Variants in FBXO34 observed in about 807,000 individuals in gnomAD.
FBXO34 encodes the protein F-box only protein 34.
A neutral mutation model predicts 24.5 loss-of-function variants in FBXO34; 12 were observed. The ratio of observed to expected loss-of-function variants is 0.49; its 90% confidence interval spans 0.31 to 0.79. The LOEUF (loss-of-function observed/expected upper bound fraction) is 0.79, where lower values mean the gene tolerates loss of function less well. Among genes scored for constraint, FBXO34 ranks in the 30% least tolerant of loss-of-function variants. The pLI is 0.04. For missense variants in FBXO34, 823 were observed against 857.7 expected (o/e 0.96, Z 0.51); for synonymous variants, 320 against 311.9 (o/e 1.03, Z -0.27).
chr14:55,272,488 AAAAG>A (rs374363856), intron 1 of FBXO34, among the ~76,000 whole-genome samples: 33 of 152,206 alleles, frequency 2.2e-4, no homozygotes, highest in African/African-American at 5.8e-4. Flanking sequence ...TTACTGAAAA[AAAAG>A]AGAACCACTT....
chr14:55,378,601 G>GCCTCCCTCCCTT, the FBXO34 span, among the ~76,000 whole-genome samples: 8 of 151,960 alleles, frequency 5.3e-5, no homozygotes, highest in African/African-American at 1.9e-4. Context: ...CTTGCTTGCT[G>GCCTCCCTCCCTT]CCTCCCTCCC....
intron 3 of FBXO34, among the ~76,000 whole-genome samples, chr14:55,358,751 G>A (rs1884555246): frequency 6.6e-6 from 1 of 152,206 alleles, no homozygotes; most frequent in Admixed American, 6.5e-5. Context: ...GGGCAGGGTA[G>A]TGGCTGCACA....
chr14:55,282,301 CT>C, intron 1 of FBXO34: 1 of 446,804 alleles, frequency 2.2e-6, no homozygotes, highest in Non-Finnish European at 4.5e-6. Flanking sequence ...CCAAATTTAG[CT>C]TTTTGACTCT....
chr14:55,316,238 G>T (rs914841971), intron 1 of FBXO34, among the ~76,000 whole-genome samples: 7 of 151,888 alleles, frequency 4.6e-5, no homozygotes, highest in Non-Finnish European at 4.4e-5. Context: ...TACATAATTT[G>T]CAGGGCTGAG....
intron 1 of FBXO34, among the ~76,000 whole-genome samples, chr14:55,343,003 G>A (rs755007504): frequency 1.3e-4 from 20 of 152,046 alleles, no homozygotes; most frequent in Non-Finnish European, 2.1e-4. Flanking sequence ...CACTTTATTT[G>A]TGCTTCCTCA....
chr14:55,397,943 C>CTTTTTT, the FBXO34 span, among the ~76,000 whole-genome samples: 34 of 105,510 alleles, frequency 3.2e-4, no homozygotes, highest in East Asian at 8.7e-4. Flanking sequence ...TGCAGTAATT[C>CTTTTTT]TTTTTTTTTT....
rs191261733 is a variant in FBXO34 at position 55,346,423 on chromosome 14, T to G, written c.-10-3958T>G. On this transcript the variant is annotated intron_variant, in intron 1 of 1. Transcript: ENST00000313833. ...AATCTAAGTGACTCAAGCTTCTGGC[T>G]TAATGGACTAGGTATACTTGAGGCT... Among the ~76,000 whole-genome samples the G allele has an allele frequency of 1.6e-4, 25 of 152,352 alleles. 1 individual carries two copies. The South Asian group carries it at 3.3e-3, about 20-fold the overall frequency.
chr14:55,329,108 C>G (rs1000648021), intron 1 of FBXO34, among the ~76,000 whole-genome samples: 1 of 101,850 alleles, frequency 9.8e-6, no homozygotes, highest in Non-Finnish European at 2.3e-5. Context: ...CAGGAAAGGG[C>G]TGAGGGAGAT....
At chr14:55,391,015 A>G in the FBXO34 span, 1 of 1,551,604 alleles carries the variant, frequency 6.4e-7, no homozygotes, top group Non-Finnish European at 8.8e-7. Context: ...TGTAATAAAT[A>G]TCACAAACGT....
intron 1 of FBXO34, among the ~76,000 whole-genome samples, chr14:55,305,500 G>T (rs1351581523): frequency 6.6e-6 from 1 of 151,686 alleles, no homozygotes; most frequent in Non-Finnish European, 1.5e-5. Context: ...TTCGAGACCA[G>T]CCTGGTCAAC....
At chr14:55,440,487 G>A in the FBXO34 span, 167 of 1,612,658 alleles carry the variant, frequency 1.0e-4, no homozygotes, top group Non-Finnish European at 1.3e-4. Context: ...GGGCGGGTAA[G>A]AGGGTAAGCG....
the FBXO34 span, among the ~76,000 whole-genome samples, chr14:55,440,992 A>G: frequency 0.52 from 79,148 of 151,640 alleles, 20,786 homozygotes; most frequent in East Asian, 0.65. Context: ...GATTACAGGT[A>G]CGCACCACCA....
intron 1 of FBXO34, among the ~76,000 whole-genome samples, chr14:55,338,067 T>TTTTTTTTTTTTTTTTTTTTTC: frequency 7.0e-6 from 1 of 142,758 alleles, no homozygotes; most frequent in Non-Finnish European, 1.5e-5. Context: ...TTTTTTTTTT[T>TTTTTTTTTTTTTTTTTTTTTC]GAGATGGAGT....
At chr14:55,377,851 G>A in the FBXO34 span, 4 of 1,601,746 alleles carry the variant, frequency 2.5e-6, no homozygotes, top group East Asian at 8.9e-5. Context: ...GACTGACCAG[G>A]TACATTAGAT....
chr14:55,394,920 A>C, the FBXO34 span: 1 of 378,038 alleles, frequency 2.6e-6, no homozygotes, highest in African/African-American at 2.1e-5. Flanking sequence ...TGTACCAAAA[A>C]GTAAACAACC....
chr14:55,411,612 C>T, the FBXO34 span: 1 of 1,608,550 alleles, frequency 6.2e-7, no homozygotes. Flanking sequence ...CTCTCCCGGT[C>T]GCGGCCGTCG....
At position 55,352,785 on chromosome 14, in the gene FBXO34, T is replaced by C; in HGVS notation, c.*259T>C. ...ATTCAGTTGGCTGTGAATAACTGCC[T>C]GTTTTCCTAAATCAAACCCATCCTC... On this transcript the variant is annotated 3_prime_UTR_variant, in exon 2 of 2. Coordinates refer to ENST00000313833, the MANE Select transcript of FBXO34 (RefSeq NM_017943.4). 1 of 403,762 alleles carries C rather than the reference T, an allele frequency of 2.5e-6. No individual in the cohort carries two copies. 25.0% of individuals were successfully genotyped at this position (403,762 alleles called of 1,614,324 possible).
chr14:55,418,990 G>A, the FBXO34 span, among the ~76,000 whole-genome samples: 8 of 152,182 alleles, frequency 5.3e-5, no homozygotes, highest in Non-Finnish European at 1.2e-4. Context: ...GTCAATAAAT[G>A]GCAGATTATG....
intron 1 of FBXO34, among the ~76,000 whole-genome samples, chr14:55,332,029 C>T (rs1207183193): frequency 8.6e-6 from 1 of 115,766 alleles, no homozygotes; most frequent in African/African-American, 3.3e-5. Context: ...TATATACCAC[C>T]GTGGTGGTAT....
Sources: allele counts gnomAD v4.1 joint callset (sites outside exome capture counted in the v4.1 genomes callset), GRCh38; gene constraint gnomAD v4.1.1; transcripts MANE v1.5; gene names NCBI Gene and HGNC (gene_info 2026-07-23, HGNC 2026-07-21).